The following PALS1 variants were observed in gnomAD, a reference collection of about 807,000 sequenced individuals.
PALS1 encodes protein PALS1.
Under a neutral mutation model 78.9 loss-of-function variants are expected in PALS1, and 31 were observed. That is an observed-to-expected ratio of 0.39 (90% CI 0.30 to 0.53). The LOEUF is 0.53. PALS1 is among the 20% of genes least tolerant of loss of function. The pLI is 0.67. For missense variants in PALS1, 704 were observed against 826.5 expected, an observed-to-expected ratio of 0.85 and a Z score of 1.82; for synonymous variants, 276 against 270.9, an observed-to-expected ratio of 1.02 and a Z score of -0.18.
At chr14:67,325,763 CA>C (rs2085343685) in intron 14 of PALS1, among the ~76,000 whole-genome samples, 1 of 151,914 alleles carries the variant, frequency 6.6e-6, no homozygotes, top group South Asian at 2.1e-4. Context: ...GATTTGCTAT[CA>C]TATGAAGGGC....
intron 8 of PALS1, among the ~76,000 whole-genome samples, chr14:67,306,885 T>C (rs958031452): frequency 1.3e-5 from 2 of 152,188 alleles, no homozygotes; most frequent in Admixed American, 1.3e-4. Flanking sequence ...ATTTATTGAG[T>C]ATCATTATGG....
chr14:67,258,253 G>A (rs2084177539), intron 1 of PALS1, among the ~76,000 whole-genome samples: 1 of 152,042 alleles, frequency 6.6e-6, no homozygotes, highest in South Asian at 2.1e-4. Context: ...TTTGATAATA[G>A]GCCAGGCACC....
intron 1 of PALS1, among the ~76,000 whole-genome samples, chr14:67,269,162 T>C (rs1159842664): frequency 6.6e-6 from 1 of 152,246 alleles, no homozygotes; most frequent in Non-Finnish European, 1.5e-5. Context: ...CTTTAAATCC[T>C]GTTTGTAGGG....
chr14:67,310,808 A>AT (rs1278219846), intron 8 of PALS1, among the ~76,000 whole-genome samples: 2 of 152,150 alleles, frequency 1.3e-5, no homozygotes, highest in Admixed American at 6.5e-5. Context: ...CAAGCCAAAA[A>AT]TTTTTTAAAA....
At chr14:67,321,014 T>C in intron 12 of PALS1, 43 bp from the exon 13 acceptor site, 2 of 1,559,040 alleles carry the variant, frequency 1.3e-6, no homozygotes, top group Non-Finnish European at 1.8e-6. Context: ...CTGTCCTCAC[T>C]CTAAGCCATG....
chr14:67,280,547 T>G (rs531937141), intron 3 of PALS1, among the ~76,000 whole-genome samples: 22 of 152,164 alleles, frequency 1.4e-4, no homozygotes, highest in South Asian at 4.1e-4. Flanking sequence ...ATAAAGAAAT[T>G]GAACCTTAGT....
chr14:67,322,110 C>T (rs931055187), intron 13 of PALS1, among the ~76,000 whole-genome samples: 2 of 152,040 alleles, frequency 1.3e-5, no homozygotes, highest in East Asian at 3.9e-4. Flanking sequence ...TTTTAGGACG[C>T]CAATGTGGGT....
At chr14:67,260,344 C>T (rs2084216485) in intron 1 of PALS1, among the ~76,000 whole-genome samples, 1 of 152,130 alleles carries the variant, frequency 6.6e-6, no homozygotes, top group Non-Finnish European at 1.5e-5. Flanking sequence ...CACAACCCTC[C>T]TCTCTCTCAT....
intron 14 of PALS1, among the ~76,000 whole-genome samples, chr14:67,325,060 A>G (rs911987291): frequency 4.6e-5 from 7 of 151,722 alleles, no homozygotes; most frequent in Middle Eastern, 6.8e-3. Context: ...GCCCACCATC[A>G]TGCCTGGCTA....
At position 67,333,560 on chromosome 14, in the gene PALS1, C is replaced by CA. The variant is rs1370277484; in HGVS notation, c.*610dup. On this transcript the variant is annotated 3_prime_UTR_variant, in exon 15 of 15. Transcript: ENST00000261681. Reference sequence around the variant, plus strand: ...ATATGTCTTTTGATTCTTAAAAAAACAAAAAACATTCCATTAGAAGCACCA... The same window carrying CA: ...ATATGTCTTTTGATTCTTAAAAAAACAAAAAAACATTCCATTAGAAGCACCA... 1 of 152,498 alleles carries CA rather than the reference C, an allele frequency of 6.6e-6. No homozygotes were observed. The highest frequency in any genetic ancestry group is 2.4e-5 in the African/African-American group (1 of 41,420). 9.4% of individuals were successfully genotyped at this position (152,498 alleles called of 1,614,324 possible).
rs747419838 is a variant in PALS1 at position 67,312,656 on chromosome 14, C to T, written c.1171C>T (p.Gln391Ter). The change falls in exon 9 of 15, where the codon CAG becomes TAG. Residue 391 changes from glutamine to a stop codon, truncating the protein, a stop_gained. Coordinates refer to ENST00000261681, the MANE Select transcript of PALS1 (RefSeq NM_022474.4). LOFTEE classifies it high-confidence loss of function. Reference protein sequence around the residue: ...VISQEDPNWWQAYREGDEDNQ... With the variant: ...VISQEDPNWW ...CAGTCAAGAAGATCCAAACTGGTGGCAGGCCTACAGGGAAGGGGACGAAGA... is the reference window on the plus strand; with the variant it reads ...CAGTCAAGAAGATCCAAACTGGTGGTAGGCCTACAGGGAAGGGGACGAAGA... The T allele has an allele frequency of 1.2e-6, 2 of 1,613,004 alleles. No individual in the cohort carries two copies. The highest frequency in any genetic ancestry group is 1.7e-6 in the Non-Finnish European group (2 of 1,179,396).
In PALS1 at chr14:67,323,799, G is replaced by A; in HGVS notation, c.1838G>A (p.Gly613Asp). ...ERLRALLAKEGKNPKPEELRE... is the reference protein window; with the variant it reads ...ERLRALLAKEDKNPKPEELRE... Reference sequence around the variant, plus strand: ...CTTCGGGCATTATTGGCCAAAGAAGGCAAGAATCCAAAGGTAAAGTTTTCA... The same window carrying A: ...CTTCGGGCATTATTGGCCAAAGAAGACAAGAATCCAAAGGTAAAGTTTTCA... The change falls in exon 14 of 15, where the codon GGC becomes GAC. Residue 613 changes from glycine (G) to aspartate (D), a missense_variant. Gly to Asp is a moderately conservative substitution (Grantham distance 94). Transcript: ENST00000261681. The A allele has an allele frequency of 6.4e-7, 1 of 1,567,254 alleles. No homozygotes were observed. Among genetic ancestry groups the A allele is most frequent in the Non-Finnish European group, 8.7e-7 (1 of 1,148,874 alleles).
At chr14:67,280,853 T>TTCCCTCCTTCCTTCCCTCCTTCCC (rs1555520240) in intron 3 of PALS1, among the ~76,000 whole-genome samples, 2 of 77,610 alleles carry the variant, frequency 2.6e-5, no homozygotes, top group Non-Finnish European at 2.1e-5. Context: ...CCTTCCTTCC[T>TTCCCTCCTTCCTTCCCTCCTTCCC]TCCCTCCCTC....
intron 2 of PALS1, among the ~76,000 whole-genome samples, chr14:67,275,552 A>G (rs111383802): frequency 0.16 from 23,851 of 152,106 alleles, 3,553 homozygotes; most frequent in East Asian, 0.42. Flanking sequence ...TCGCATCGAC[A>G]TTCATCAGGG....
chr14:67,310,827 ATCTG>A (rs1267940824), intron 8 of PALS1, among the ~76,000 whole-genome samples: 26 of 152,062 alleles, frequency 1.7e-4, no homozygotes, highest in African/African-American at 3.9e-4. Context: ...AAAGCCATTT[ATCTG>A]TCTATCTATC....
intron 11 of PALS1, 42 bp from the exon 12 acceptor site, chr14:67,320,188 G>A (rs368157936): frequency 1.6e-5 from 25 of 1,578,562 alleles, no homozygotes; most frequent in Non-Finnish European, 2.0e-5. Flanking sequence ...TTAATACATG[G>A]CCATAATTTT....
chr14:67,309,734 C>T (rs545229386), intron 8 of PALS1, among the ~76,000 whole-genome samples: 1 of 152,204 alleles, frequency 6.6e-6, no homozygotes, highest in South Asian at 2.1e-4. Context: ...TAATAATTAC[C>T]CAAGGAACCT....
In PALS1 at chr14:67,332,989, G is replaced by C. The variant is rs780592983; in HGVS notation, c.*33G>C. On this transcript the variant is annotated 3_prime_UTR_variant, in exon 15 of 15. Transcript: ENST00000261681. Reference sequence around the variant, plus strand: ...ATCCATTCTGTGGCATGTTGGACTTGATCTGGCAAAAACTGCCAATAGGAG... The same window carrying C: ...ATCCATTCTGTGGCATGTTGGACTTCATCTGGCAAAAACTGCCAATAGGAG... The C allele has an allele frequency of 8.9e-6, 14 of 1,578,682 alleles. No homozygotes were observed. Among genetic ancestry groups the C allele is most frequent in the African/African-American group, 5.4e-5 (4 of 74,054 alleles).
At chr14:67,265,169 A>G (rs1009122806) in intron 1 of PALS1, among the ~76,000 whole-genome samples, 13 of 152,192 alleles carry the variant, frequency 8.5e-5, no homozygotes, top group Admixed American at 5.9e-4. Context: ...CTGGATGACA[A>G]ATGAAGGTAC....
Sources: gnomAD v4.1 joint callset for allele counts (sites outside exome capture counted in the v4.1 genomes callset) on GRCh38, gnomAD v4.1.1 for gene constraint, MANE v1.5 for transcripts, NCBI Gene and HGNC (gene_info 2026-07-23, HGNC 2026-07-21) for gene names.